Variants in ARSK observed in about 807,000 individuals in gnomAD.
ARSK encodes the protein arylsulfatase K.
In ARSK, 37 loss-of-function variants were observed where a neutral mutation model predicts 53.2. The observed-to-expected ratio is 0.70, with a 90% CI of 0.54 to 0.92. The LOEUF is 0.92. Among genes scored for constraint, ARSK ranks in the 40% least tolerant of loss-of-function variants. The pLI is 0.00. For synonymous variants in ARSK, 208 were observed against 223.2 expected (o/e 0.93, Z 0.61); for missense variants, 613 against 643.0 (o/e 0.95, Z 0.51).
rs553442422 is a variant in ARSK, at chr5:95,603,585, T to G, written c.*59T>G. The G allele has an allele frequency of 2.6e-5, 36 of 1,373,956 alleles. 1 individual carries two copies. In the South Asian group the frequency reaches 5.8e-4, roughly 22 times the overall value. 85.1% of individuals were successfully genotyped at this position (1,373,956 alleles called of 1,614,324 possible). A position where few individuals can be genotyped will look rare whatever the true frequency, so the allele number is the denominator to read the frequency against. ...ATATAAATATATTACAAGATCATAA[T>G]TATGTATTTTAAATGAAACAGTTTT... On this transcript the variant is annotated 3_prime_UTR_variant, in exon 8 of 8. Coordinates refer to ENST00000380009, the MANE Select transcript of ARSK (RefSeq NM_198150.3).
At chr5:95,565,977 A>G (rs1244629112) in intron 1 of ARSK, 21 bp from the exon 2 acceptor site, 1 of 1,591,636 alleles carries the variant, frequency 6.3e-7, no homozygotes, top group African/African-American at 1.4e-5. Flanking sequence ...ATCAATGCTA[A>G]TTAAATTTCT....
At chr5:95,579,179 C>G (rs1019635995) in intron 3 of ARSK, among the ~76,000 whole-genome samples, 1 of 152,160 alleles carries the variant, frequency 6.6e-6, no homozygotes, top group East Asian at 1.9e-4. Flanking sequence ...CTGTGCATCT[C>G]AAACCTTAAT....
At chr5:95,560,802 CTTTTTT>C (rs70978188) in intron 1 of ARSK, among the ~76,000 whole-genome samples, 1 of 108,286 alleles carries the variant, frequency 9.2e-6, no homozygotes, top group East Asian at 2.7e-4. Flanking sequence ...GGCAAAAGAT[CTTTTTT>C]TTTTTTTTTT....
At chr5:95,595,829 C>T (rs768227286) in intron 6 of ARSK, among the ~76,000 whole-genome samples, 8 of 151,460 alleles carry the variant, frequency 5.3e-5, no homozygotes, top group East Asian at 1.9e-4. Flanking sequence ...GAATGTAAAA[C>T]GTTGAAAAAA....
intron 3 of ARSK, among the ~76,000 whole-genome samples, chr5:95,577,454 G>T (rs1748943624): frequency 6.6e-6 from 1 of 152,150 alleles, no homozygotes; most frequent in Admixed American, 6.5e-5. Flanking sequence ...TGATTATGAG[G>T]TGGAAATACC....
intron 5 of ARSK, among the ~76,000 whole-genome samples, chr5:95,590,290 G>T (rs1238721699): frequency 6.6e-6 from 1 of 152,166 alleles, no homozygotes; most frequent in Non-Finnish European, 1.5e-5. Flanking sequence ...AACTAATATG[G>T]TGTGTGTTTA....
At chr5:95,588,861 C>T (rs1412800671) in intron 5 of ARSK, among the ~76,000 whole-genome samples, 2 of 152,068 alleles carry the variant, frequency 1.3e-5, no homozygotes, top group South Asian at 4.1e-4. Flanking sequence ...ACTCAGGAGG[C>T]TGAGGCAGGA....
rs374986243 is a variant in ARSK at position 95,555,384 on chromosome 5, C to A, written c.106C>A (p.Leu36Met). ...AGCAGCCAAAGCGCCCAATGTGGTG[C>A]TGGTCGTGAGCGACTCCTTCGTAAG... ...RRAAKAPNVV[L>M]VVSDSFDGRL... The change falls in exon 1 of 8, where the codon CTG becomes ATG. Residue 36 changes from leucine (L) to methionine (M), a missense_variant. By Grantham distance (15) the Leu-to-Met change is conservative. Transcript: ENST00000380009. The surrounding 1 kb of genome is among the most constrained non-coding windows in gnomAD (Gnocchi z 4.0). 3.5e-5 allele frequency: 56 copies of A among 1,609,186 alleles called. No homozygotes were observed. Among genetic ancestry groups the A allele is most frequent in the Non-Finnish European group, 4.2e-5 (50 of 1,178,124 alleles).
intron 6 of ARSK, among the ~76,000 whole-genome samples, chr5:95,596,558 C>T (rs1749311013): frequency 6.6e-6 from 1 of 152,000 alleles, no homozygotes; most frequent in Non-Finnish European, 1.5e-5. Flanking sequence ...AAATTAAAAT[C>T]CTGAAATGTC....
chr5:95,567,864 C>T, intron 2 of ARSK, 26 bp from the exon 3 acceptor site: 1 of 1,577,664 alleles, frequency 6.3e-7, no homozygotes, highest in Non-Finnish European at 8.6e-7. Context: ...TACCTTAATC[C>T]CAATTCCTTT....
intron 2 of ARSK, among the ~76,000 whole-genome samples, chr5:95,567,103 A>G (rs1201389252): frequency 6.6e-6 from 1 of 152,184 alleles, no homozygotes; most frequent in Non-Finnish European, 1.5e-5. Flanking sequence ...TGCTGTGTAT[A>G]CTGTGTACCT....
rs763463976 is a variant in ARSK, at chr5:95,575,203, C to T, written c.416+7154C>T. On this transcript the variant is annotated intron_variant, in intron 3 of 7. Transcript: ENST00000380009. ...TCTCTGTTCTGTTCCATTGGTCTTA[C>T]GTGTCTGTTTTTATGCCAGTACCAT... Among the ~76,000 whole-genome samples the T allele has an allele frequency of 2.0e-4, 31 of 152,070 alleles. No homozygotes were observed. In the Middle Eastern group the frequency reaches 0.017, roughly 83 times the overall value.
chr5:95,601,283 C>G (rs1232857575), intron 7 of ARSK, among the ~76,000 whole-genome samples: 1 of 152,172 alleles, frequency 6.6e-6, no homozygotes, highest in Non-Finnish European at 1.5e-5. Context: ...GGCTTTTGAT[C>G]TGGGTCTCAT....
At chr5:95,596,167 T>A (rs1200228158) in intron 6 of ARSK, among the ~76,000 whole-genome samples, 1 of 152,220 alleles carries the variant, frequency 6.6e-6, no homozygotes, top group Non-Finnish European at 1.5e-5. Context: ...TGGAACAGTT[T>A]AAAGCTACTT....
At chr5:95,599,735 CT>C (rs528475220) in intron 6 of ARSK, among the ~76,000 whole-genome samples, 1 of 152,124 alleles carries the variant, frequency 6.6e-6, no homozygotes, top group Non-Finnish European at 1.5e-5. Flanking sequence ...AAGCTACAAA[CT>C]TTTTTTATCA....
intron 6 of ARSK, among the ~76,000 whole-genome samples, chr5:95,597,629 C>T (rs929132288): frequency 1.3e-5 from 2 of 152,088 alleles, no homozygotes; most frequent in African/African-American, 4.8e-5. Context: ...CGTGGTGGCT[C>T]ACGCCTGTAA....
At chr5:95,592,944 CTT>C (rs1361848480) in intron 6 of ARSK, among the ~76,000 whole-genome samples, 24 of 152,154 alleles carry the variant, frequency 1.6e-4, no homozygotes. Flanking sequence ...ATCTGGGCCA[CTT>C]TCTCATTCCA....
In ARSK at chr5:95,600,555, A is replaced by G. The variant is rs991924593; in HGVS notation, c.1097-292A>G. On this transcript the variant is annotated intron_variant, in intron 6 of 7. Coordinates refer to ENST00000380009, the MANE Select transcript of ARSK (RefSeq NM_198150.3). The stretch of plus-strand genomic sequence containing the variant: ...GTCCTCAGAGTTCTTAGAATTTTAC[A>G]TAAAGTATCTTATTTAAACCTAAAA... The G allele has an allele frequency of 7.7e-6, 4 of 520,694 alleles. No homozygotes were observed. In the Admixed American group the frequency reaches 9.8e-5, roughly 13 times the overall value. The allele number at this position is 520,694 out of a possible 1,614,324, so 32.3% of individuals were successfully genotyped here.
At position 95,568,175 on chromosome 5, in the gene ARSK, G is replaced by C; in HGVS notation, c.416+126G>C. The C allele has an allele frequency of 1.2e-5, 12 of 1,005,952 alleles. No homozygotes were observed. The South Asian group carries it at 2.2e-4, about 19-fold the overall frequency. The allele number at this position is 1,005,952 out of a possible 1,614,324, so 62.3% of individuals were successfully genotyped here. On this transcript the variant is annotated intron_variant, in intron 3 of 7. Transcript: ENST00000380009. ...AAGTAAATCTCTTAATCCCTTCATT[G>C]TGTTAATTAGGCTGAAATTTTAGCT...
Sources: gnomAD v4.1 joint callset for allele counts (sites outside exome capture counted in the v4.1 genomes callset) on GRCh38, gnomAD v4.1.1 for gene constraint, Gnocchi (gnomAD v3.1) non-coding constraint, MANE v1.5 for transcripts, NCBI Gene and HGNC (gene_info 2026-07-23, HGNC 2026-07-21) for gene names.